GALNT13: variants seen among roughly 807,000 people sequenced by gnomAD.
GALNT13 encodes the protein UDP-GalNAc:polypeptide N-acetylgalactosaminyltransferase 13.
A neutral mutation model predicts 64.2 loss-of-function variants in GALNT13; 28 were observed. The observed-to-expected ratio is 0.44, with a 90% CI of 0.32 to 0.60. GALNT13 has a LOEUF of 0.60. Ranked by LOEUF, GALNT13 falls within the 20% of genes least tolerant of loss-of-function variation. GALNT13 has a pLI of 0.05. For missense variants in GALNT13, 577 were observed against 669.8 expected (o/e 0.86, Z 1.53); for synonymous variants, 214 against 224.6 (o/e 0.95, Z 0.42).
chr2:153,218,215 A>G, the GALNT13 span, among the ~76,000 whole-genome samples: 1 of 152,142 alleles, frequency 6.6e-6, no homozygotes, highest in Non-Finnish European at 1.5e-5. Flanking sequence ...TTCCAGAAAT[A>G]TTCTACTGTT....
chr2:153,178,253 T>C, the GALNT13 span, among the ~76,000 whole-genome samples: 1 of 152,226 alleles, frequency 6.6e-6, no homozygotes. Context: ...CATATGATAA[T>C]ATTGTTTTTA....
At chr2:154,380,548 T>C (rs1698218579) in intron 9 of GALNT13, among the ~76,000 whole-genome samples, 1 of 152,082 alleles carries the variant, frequency 6.6e-6, no homozygotes, top group African/African-American at 2.4e-5. Flanking sequence ...ATTTTTTTCT[T>C]CATTTTCTGG....
At chr2:153,444,440 G>C in the GALNT13 span, among the ~76,000 whole-genome samples, 1 of 152,176 alleles carries the variant, frequency 6.6e-6, no homozygotes, top group Non-Finnish European at 1.5e-5. Flanking sequence ...ATTGAGGAAT[G>C]TGTTATTCAA....
chr2:154,021,264 G>A (rs1414049511), intron 3 of GALNT13, among the ~76,000 whole-genome samples: 3 of 152,224 alleles, frequency 2.0e-5, no homozygotes, highest in Non-Finnish European at 2.9e-5. Context: ...TGATGGGGAT[G>A]GCATTGAATC....
At chr2:153,625,777 CAG>C in the GALNT13 span, among the ~76,000 whole-genome samples, 10 of 151,818 alleles carry the variant, frequency 6.6e-5, no homozygotes, top group African/African-American at 1.2e-4. Flanking sequence ...ATACCCCAGA[CAG>C]GGGATCGTTC....
chr2:154,314,181 A>G (rs568659268), intron 9 of GALNT13, among the ~76,000 whole-genome samples: 1 of 152,316 alleles, frequency 6.6e-6, no homozygotes, highest in East Asian at 1.9e-4. Flanking sequence ...CCTACTCTTC[A>G]GAGTACCTCA....
the GALNT13 span, among the ~76,000 whole-genome samples, chr2:153,457,284 C>T: frequency 8.5e-5 from 13 of 152,246 alleles, no homozygotes; most frequent in South Asian, 2.1e-4. Flanking sequence ...AAATCTGTCT[C>T]AAAATGTATA....
At chr2:154,168,569 T>C (rs1177429811) in intron 4 of GALNT13, among the ~76,000 whole-genome samples, 1 of 151,256 alleles carries the variant, frequency 6.6e-6, no homozygotes, top group Non-Finnish European at 1.5e-5. Context: ...GTGTAGTGGC[T>C]CACACCTGTA....
chr2:153,348,462 T>A, the GALNT13 span, among the ~76,000 whole-genome samples: 2 of 152,202 alleles, frequency 1.3e-5, no homozygotes, highest in Non-Finnish European at 1.5e-5. Context: ...AGAAATTAAT[T>A]TGTATTCATA....
chr2:154,091,105 A>G (rs1701783129), intron 3 of GALNT13, among the ~76,000 whole-genome samples: 1 of 151,926 alleles, frequency 6.6e-6, no homozygotes, highest in Non-Finnish European at 1.5e-5. Flanking sequence ...CTCTTTGTGT[A>G]TTTTACTACT....
At chr2:154,228,282 G>A (rs1276467044) in intron 4 of GALNT13, among the ~76,000 whole-genome samples, 1 of 152,088 alleles carries the variant, frequency 6.6e-6, no homozygotes, top group Admixed American at 6.6e-5. Flanking sequence ...AAATGGGAAA[G>A]GGTTAATAAG....
rs140412921 is a variant in GALNT13, at chr2:154,116,311, C to G, written c.143-24026C>G. On this transcript the variant is annotated intron_variant, in intron 3 of 12. Transcript: ENST00000392825. The stretch of plus-strand genomic sequence containing the variant: ...CATTCTTTTCCAATCAATGCCCTCA[C>G]TTTAACAGTAGAAACCTGGTGAGGC... 9.5e-4 allele frequency among the ~76,000 whole-genome samples: 144 copies of G among 152,292 alleles called. 1 individual carries two copies. In the East Asian group the frequency reaches 0.024, roughly 26 times the overall value.
the GALNT13 span, among the ~76,000 whole-genome samples, chr2:153,187,764 C>T: frequency 6.6e-6 from 1 of 152,026 alleles, no homozygotes; most frequent in Non-Finnish European, 1.5e-5. Flanking sequence ...TAGCTTGGTA[C>T]CAAAACTTGA....
At chr2:153,124,457 T>C in the GALNT13 span, among the ~76,000 whole-genome samples, 1 of 152,178 alleles carries the variant, frequency 6.6e-6, no homozygotes. Context: ...ACAGAGATAC[T>C]ATATCCATCT....
chr2:153,214,441 T>G, the GALNT13 span, among the ~76,000 whole-genome samples: 4 of 152,152 alleles, frequency 2.6e-5, no homozygotes, highest in African/African-American at 9.7e-5. Flanking sequence ...TATCCCATCA[T>G]CATAATTCTT....
the GALNT13 span, among the ~76,000 whole-genome samples, chr2:153,701,474 A>G: frequency 6.6e-6 from 1 of 152,258 alleles, no homozygotes; most frequent in African/African-American, 2.4e-5. Context: ...CAGTTGCAAC[A>G]GAAGCTAAAA....
intron 3 of GALNT13, among the ~76,000 whole-genome samples, chr2:154,062,933 A>T (rs6758016): frequency 5.3e-5 from 8 of 151,894 alleles, no homozygotes; most frequent in South Asian, 2.1e-4. Flanking sequence ...TAATTTTAAC[A>T]GTCATTTAGC....
chr2:153,199,752 G>A, the GALNT13 span, among the ~76,000 whole-genome samples: 1 of 152,112 alleles, frequency 6.6e-6, no homozygotes, highest in Non-Finnish European at 1.5e-5. Flanking sequence ...TACCAGAAAA[G>A]CAATGATAAC....
chr2:154,202,461 C>G (rs929858716), intron 4 of GALNT13, among the ~76,000 whole-genome samples: 4 of 151,982 alleles, frequency 2.6e-5, no homozygotes, highest in Non-Finnish European at 5.9e-5. Context: ...TAAGTGGACA[C>G]TTTACAGATT....
Sources: gnomAD v4.1 joint callset for allele counts (sites outside exome capture counted in the v4.1 genomes callset) on GRCh38, gnomAD v4.1.1 for gene constraint, MANE v1.5 for transcripts, NCBI Gene and HGNC (gene_info 2026-07-23, HGNC 2026-07-21) for gene names.